CMTM4: variants seen among roughly 807,000 people sequenced by gnomAD.
The protein encoded by CMTM4 is CKLF like MARVEL transmembrane domain containing 4, also known as CKLF-like MARVEL transmembrane domain-containing protein 4.
In CMTM4, 8 loss-of-function variants were observed where a neutral mutation model predicts 19.0. The ratio of observed to expected loss-of-function variants is 0.42; its 90% CI spans 0.25 to 0.76. The LOEUF (loss-of-function observed/expected upper bound fraction) is 0.76, where lower values mean the gene tolerates loss of function less well. Ranked by LOEUF, CMTM4 falls within the 30% of genes least tolerant of loss-of-function variation. CMTM4 has a pLI of 0.27. For missense variants in CMTM4, 228 were observed against 290.2 expected (o/e 0.79, Z 1.56); for synonymous variants, 106 against 121.1 (o/e 0.88, Z 0.82).
the CMTM4 span, among the ~76,000 whole-genome samples, chr16:66,608,925 G>T: frequency 2.0e-5 from 3 of 152,130 alleles, no homozygotes. The surrounding 1 kb of genome is among the most constrained non-coding windows in gnomAD (Gnocchi z 5.1). Context: ...CTAGAGAAAG[G>T]GCAGCAAAGG....
intron 2 of CMTM4, among the ~76,000 whole-genome samples, chr16:66,633,163 A>G (rs1180911743): frequency 1.4e-5 from 2 of 147,808 alleles, no homozygotes; most frequent in Admixed American, 1.3e-4. Context: ...CCCACAATCC[A>G]TCCAAAAATA....
In CMTM4 at chr16:66,621,685, A is replaced by G; in HGVS notation, c.*373T>C. ...AGAACCACTGCCGACTGACCGTTCC[A>G]ATGCTGTCCCTTCATTCCTTCATAT... On this transcript the variant is annotated 3_prime_UTR_variant, in exon 4 of 4. Transcript: ENST00000394106. The G allele has an allele frequency of 9.5e-7, 1 of 1,050,762 alleles. No individual in the cohort carries two copies. The highest frequency in any genetic ancestry group is 1.2e-6 in the Non-Finnish European group (1 of 867,234). The allele number at this position is 1,050,762 out of a possible 1,614,324, so 65.1% of individuals were successfully genotyped here.
intron 1 of CMTM4, among the ~76,000 whole-genome samples, chr16:66,660,298 G>A (rs964905861): frequency 3.3e-5 from 5 of 150,114 alleles, no homozygotes; most frequent in African/African-American, 9.8e-5. Context: ...AGAGGTAGGA[G>A]GATTGCTTGA....
In CMTM4 at chr16:66,615,604, GC is replaced by G. The variant is rs2015511869; in HGVS notation, c.*6453del. On this transcript the variant is annotated 3_prime_UTR_variant, in exon 4 of 4. Coordinates refer to ENST00000394106, the MANE Select transcript of CMTM4 (RefSeq NM_181521.3). This position sits in a 1 kb window ranked among gnomAD's most constrained non-coding sequence, Gnocchi z 4.9. ...CCGAGTGGAAGATGAGAGCCCCGGA[GC>G]TGGCTGAGGTCCCCCAGGAAGCTTC... 6.6e-6 allele frequency: 1 copy of G among 152,384 alleles called. No individual in the cohort carries two copies. Among genetic ancestry groups the G allele is most frequent in the African/African-American group, 2.4e-5 (1 of 41,472 alleles). The allele number at this position is 152,384 out of a possible 1,614,324, so 9.4% of individuals were successfully genotyped here.
intron 1 of CMTM4, among the ~76,000 whole-genome samples, chr16:66,671,693 A>G (rs2016710626): frequency 6.6e-6 from 1 of 152,312 alleles, no homozygotes; most frequent in Non-Finnish European, 1.5e-5. Context: ...CCAGGCACCT[A>G]TAACTTGGCC....
rs904967350 is a variant in CMTM4 at position 66,618,791 on chromosome 16, G to A, written c.*3267C>T. Reference sequence around the variant, plus strand: ...TCACGAAGCTGTCCCAGAAGCACCCGACATAGGGTGGAGGTCAGACACATT... The same window carrying A: ...TCACGAAGCTGTCCCAGAAGCACCCAACATAGGGTGGAGGTCAGACACATT... On this transcript the variant is annotated 3_prime_UTR_variant, in exon 4 of 4. Coordinates refer to ENST00000394106, the MANE Select transcript of CMTM4 (RefSeq NM_181521.3). 1.7e-5 allele frequency: 17 copies of A among 985,354 alleles called. No homozygotes were observed. Among genetic ancestry groups the A allele is most frequent in the Admixed American group, 1.2e-4 (2 of 16,276 alleles). The allele number at this position is 985,354 out of a possible 1,614,324, so 61.0% of individuals were successfully genotyped here. A position where few individuals can be genotyped will look rare whatever the true frequency, so the allele number is the denominator to read the frequency against.
chr16:66,613,222 C>T (rs1337468041), downstream of CMTM4: 5 of 685,088 alleles, frequency 7.3e-6, no homozygotes, highest in South Asian at 3.1e-5. Flanking sequence ...AAGTGGGGCT[C>T]GGCACCCATA....
intron 1 of CMTM4, among the ~76,000 whole-genome samples, chr16:66,679,694 G>T (rs946823016): frequency 6.6e-6 from 1 of 151,852 alleles, no homozygotes; most frequent in African/African-American, 2.4e-5. Context: ...CGTGGTGCTG[G>T]GTGCCTGTAA....
chr16:66,671,779 G>A (rs1376956230), intron 1 of CMTM4, among the ~76,000 whole-genome samples: 1 of 152,048 alleles, frequency 6.6e-6, no homozygotes, highest in East Asian at 1.9e-4. Context: ...ATGATGAGAG[G>A]ACAGACAGAC....
downstream of CMTM4, among the ~76,000 whole-genome samples, chr16:66,612,099 G>A (rs555942178): frequency 5.3e-5 from 8 of 152,212 alleles, no homozygotes; most frequent in South Asian, 1.0e-3. The surrounding 1 kb of genome is among the most constrained non-coding windows in gnomAD (Gnocchi z 6.0). Context: ...ACCTGCACCC[G>A]CACCCACACC....
At chr16:66,605,291 G>C in the CMTM4 span, 1 of 204,840 alleles carries the variant, frequency 4.9e-6, no homozygotes, top group Non-Finnish European at 9.8e-6. The surrounding 1 kb of genome is among the most constrained non-coding windows in gnomAD (Gnocchi z 4.6). Context: ...CGGGCAACTC[G>C]GACCTCCGGG....
intron 1 of CMTM4, 22 bp from the exon 2 acceptor site, chr16:66,636,603 T>A: frequency 6.3e-7 from 1 of 1,587,754 alleles, no homozygotes; most frequent in Non-Finnish European, 8.6e-7. Context: ...ATTGGAAACA[T>A]ATATGTACGT....
chr16:66,693,230 A>G (rs1240160449), intron 1 of CMTM4, among the ~76,000 whole-genome samples: 1 of 151,454 alleles, frequency 6.6e-6, no homozygotes, highest in Non-Finnish European at 1.5e-5. Context: ...AACACAAAGA[A>G]AAAAAAAACA....
chr16:66,682,117 G>C (rs529240248), intron 1 of CMTM4, among the ~76,000 whole-genome samples: 24 of 152,316 alleles, frequency 1.6e-4, no homozygotes, highest in African/African-American at 5.8e-4. Context: ...TTTGGAGGCA[G>C]AGATTTTTGT....
rs1189730842 is a variant in CMTM4 at position 66,658,783 on chromosome 16, T to C, written c.187-22202A>G. On this transcript the variant is annotated intron_variant, in intron 1 of 3. Coordinates refer to ENST00000394106, the MANE Select transcript of CMTM4 (RefSeq NM_181521.3). The stretch of plus-strand genomic sequence containing the variant: ...AAATGTCTCCAGATACTGTCAAATA[T>C]CCCTGGGGGGCAAAATCTCCTCCCA... 2.0e-5 allele frequency among the ~76,000 whole-genome samples: 3 copies of C among 151,900 alleles called. 1 individual carries two copies. Among genetic ancestry groups the C allele is most frequent in the African/African-American group, 7.3e-5 (3 of 41,332 alleles).
intron 1 of CMTM4, among the ~76,000 whole-genome samples, chr16:66,660,592 G>T (rs1315831852): frequency 1.3e-5 from 2 of 152,180 alleles, no homozygotes; most frequent in South Asian, 2.1e-4. Flanking sequence ...CACACAATGT[G>T]ACTAGTGTTC....
At chr16:66,683,285 T>C (rs1373231986) in intron 1 of CMTM4, among the ~76,000 whole-genome samples, 12 of 137,988 alleles carry the variant, frequency 8.7e-5, no homozygotes, top group African/African-American at 2.9e-4. Flanking sequence ...TTTTTTCTTT[T>C]CTTTTTTTTT....
At chr16:66,605,084 G>T in the CMTM4 span, 1 of 874,192 alleles carries the variant, frequency 1.1e-6, no homozygotes, top group Non-Finnish European at 1.5e-6. This position sits in a 1 kb window ranked among gnomAD's most constrained non-coding sequence, Gnocchi z 4.6. Context: ...CGCCTCGGCC[G>T]ACTTCTCTCG....
At chr16:66,636,342 G>A (rs970337166) in intron 2 of CMTM4, 63 bp downstream of exon 2, 54 of 1,379,378 alleles carry the variant, frequency 3.9e-5, no homozygotes, top group Admixed American at 2.8e-4. Context: ...AGAGATTCCA[G>A]CTTTTCCTTG....
Sources: allele counts gnomAD v4.1 joint callset (sites outside exome capture counted in the v4.1 genomes callset), GRCh38; gene constraint gnomAD v4.1.1; non-coding constraint Gnocchi (gnomAD v3.1); transcripts MANE v1.5; gene names NCBI Gene and HGNC (gene_info 2026-07-23, HGNC 2026-07-21).